The following ING3 variants were observed in gnomAD, a reference collection of about 807,000 sequenced individuals.
The protein encoded by ING3 is inhibitor of growth protein 3.
Under a neutral mutation model 64.8 loss-of-function variants are expected in ING3, and 6 were observed. That is an observed-to-expected ratio of 0.09 (90% CI 0.05 to 0.18). The LOEUF is 0.18. Among genes scored for constraint, ING3 ranks in the 10% least tolerant of loss-of-function variants. ING3 has a pLI of 1.00. For missense variants in ING3, 310 were observed against 489.7 expected (o/e 0.63, Z 3.46); for synonymous variants, 170 against 173.7 (o/e 0.98, Z 0.17).
intron 4 of ING3, chr7:120,957,024 T>A (rs1035025161): frequency 3.6e-6 from 1 of 279,420 alleles, no homozygotes; most frequent in East Asian, 1.7e-4. Flanking sequence ...ACACTGTTCA[T>A]CCACTCTGTG....
intron 3 of ING3, among the ~76,000 whole-genome samples, chr7:120,954,328 A>C (rs1795812491): frequency 6.6e-6 from 1 of 152,000 alleles, no homozygotes; most frequent in Non-Finnish European, 1.5e-5. Context: ...CGAGAGACTG[A>C]GACAGGAGAA....
At position 120,967,560 on chromosome 7, in the gene ING3, G is replaced by A. The variant is rs146940436; in HGVS notation, c.468G>A (p.Thr156=). The stretch of plus-strand genomic sequence containing the variant: ...AATATAATCCAACTTCTCACCATAC[G>A]ACAACAGATCATATTCCTGAAAAGA... The part of the protein sequence containing the change: ...KRKYNPTSHH[T]TTDHIPEKKF... The change falls in exon 7 of 12, where the codon ACG becomes ACA. Residue 156 remains threonine, a synonymous_variant. Transcript: ENST00000315870. The A allele has an allele frequency of 5.1e-6, 8 of 1,583,098 alleles. No homozygotes were observed. Among genetic ancestry groups the A allele is most frequent in the East Asian group, 2.2e-5 (1 of 44,506 alleles).
chr7:120,953,481 G>A (rs1326460049), intron 3 of ING3, 77 bp downstream of exon 3: 1 of 804,338 alleles, frequency 1.2e-6, no homozygotes, highest in African/African-American at 1.8e-5. Flanking sequence ...TTAAATAGTG[G>A]TCTGGATATC....
rs1289162466 is a variant in ING3, at chr7:120,954,006, A to G, written c.201+602A>G. Among the ~76,000 whole-genome samples, 4 of 152,190 alleles carry G rather than the reference A, an allele frequency of 2.6e-5. No homozygotes were observed. In the South Asian group the frequency reaches 6.2e-4, roughly 24 times the overall value. ...ATTGAGTTCATTTAGGGATGGATAC[A>G]TTGGAAAAACAACTTAAAAGACTTG... is the stretch of plus-strand genomic sequence containing the variant. On this transcript the variant is annotated intron_variant, in intron 3 of 11. Transcript: ENST00000315870.
At chr7:120,965,391 C>A (rs936620096) in intron 5 of ING3, among the ~76,000 whole-genome samples, 1 of 152,128 alleles carries the variant, frequency 6.6e-6, no homozygotes, top group Non-Finnish European at 1.5e-5. Flanking sequence ...CTATAACTTA[C>A]CCCTGTCACT....
intron 4 of ING3, among the ~76,000 whole-genome samples, chr7:120,960,009 T>C (rs1427162169): frequency 6.6e-6 from 1 of 151,914 alleles, no homozygotes; most frequent in Non-Finnish European, 1.5e-5. Flanking sequence ...ATAAACATTG[T>C]AGAAAGAGAG....
At chr7:120,962,945 A>G (rs1184950665) in intron 4 of ING3, among the ~76,000 whole-genome samples, 1 of 152,126 alleles carries the variant, frequency 6.6e-6, no homozygotes, top group African/African-American at 2.4e-5. Context: ...GAAGGCAATG[A>G]TTCTCTTCCA....
intron 4 of ING3, chr7:120,956,531 GA>G: frequency 9.7e-7 from 1 of 1,031,042 alleles, no homozygotes; most frequent in Non-Finnish European, 1.2e-6. Context: ...TAGAGCCATG[GA>G]AAATGTCTAG....
chr7:120,975,056 G>A lies in ING3; in HGVS notation c.*212G>A. ...TATTTATGCACTCCTGGTGTGCTATGAATATTATTCCAGTTAGCCTTGGAT... is the reference window on the plus strand; with the variant it reads ...TATTTATGCACTCCTGGTGTGCTATAAATATTATTCCAGTTAGCCTTGGAT... On this transcript the variant is annotated 3_prime_UTR_variant, in exon 12 of 12. Transcript: ENST00000315870. 3.5e-6 allele frequency: 1 copy of A among 289,360 alleles called. No homozygotes were observed. The highest frequency in any genetic ancestry group is 6.6e-6 in the Non-Finnish European group (1 of 152,058). The allele number at this position is 289,360 out of a possible 1,614,324, so 17.9% of individuals were successfully genotyped here.
intron 6 of ING3, 143 bp downstream of exon 6, chr7:120,966,840 G>A (rs1200756801): frequency 4.5e-6 from 3 of 666,916 alleles, no homozygotes; most frequent in Non-Finnish European, 7.9e-6. Context: ...TGGCAGACTT[G>A]TCTTTTTCCT....
intron 4 of ING3, among the ~76,000 whole-genome samples, chr7:120,964,487 G>T (rs1162355771): frequency 1.3e-5 from 2 of 152,076 alleles, no homozygotes; most frequent in Non-Finnish European, 2.9e-5. Flanking sequence ...TCTGAAAATG[G>T]AGTATAGAAC....
intron 4 of ING3, among the ~76,000 whole-genome samples, chr7:120,961,673 G>T (rs1388301416): frequency 6.6e-6 from 1 of 152,162 alleles, no homozygotes; most frequent in Admixed American, 6.5e-5. Context: ...AATTTGCTAT[G>T]ATCATGAGTG....
chr7:120,974,308 C>T (rs1423741698), intron 11 of ING3, among the ~76,000 whole-genome samples: 2 of 152,162 alleles, frequency 1.3e-5, no homozygotes, highest in African/African-American at 4.8e-5. Flanking sequence ...GGGCATAAGA[C>T]ATAAATTAAT....
At chr7:120,956,163 C>T in intron 4 of ING3, 4 of 1,603,440 alleles carry the variant, frequency 2.5e-6, no homozygotes, top group Non-Finnish European at 3.4e-6. Context: ...TTTGCAGCAG[C>T]ACTTCTAAAA....
At chr7:120,959,808 G>C (rs908738381) in intron 4 of ING3, among the ~76,000 whole-genome samples, 1 of 151,340 alleles carries the variant, frequency 6.6e-6, no homozygotes. Context: ...ACCACGCCCG[G>C]CTAATTTTTT....
intron 11 of ING3, 85 bp downstream of exon 11, chr7:120,973,328 T>G: frequency 4.4e-6 from 4 of 919,146 alleles, no homozygotes; most frequent in Non-Finnish European, 7.0e-6. Flanking sequence ...CTGTATGGTT[T>G]GGTCTAAGAA....
At chr7:120,970,555 TA>T in intron 9 of ING3, 132 bp from the exon 10 acceptor site, 1 of 854,246 alleles carries the variant, frequency 1.2e-6, no homozygotes. Flanking sequence ...AAGTCATTGG[TA>T]AATCCGGATT....
intron 11 of ING3, among the ~76,000 whole-genome samples, chr7:120,973,824 G>A (rs188561106): frequency 6.6e-6 from 1 of 152,258 alleles, no homozygotes; most frequent in East Asian, 1.9e-4. Context: ...TGAGAATATT[G>A]TTGTCTAGTA....
intron 7 of ING3, 127 bp downstream of exon 7, chr7:120,967,775 A>G: frequency 1.5e-6 from 2 of 1,294,430 alleles, no homozygotes; most frequent in Non-Finnish European, 2.1e-6. Context: ...TGGAGAAAGA[A>G]GAAAAAGGAA....
Sources: allele counts gnomAD v4.1 joint callset (sites outside exome capture counted in the v4.1 genomes callset), GRCh38; gene constraint gnomAD v4.1.1; transcripts MANE v1.5; gene names NCBI Gene and HGNC (gene_info 2026-07-23, HGNC 2026-07-21).